The following AMACR variants were observed in gnomAD, a reference collection of about 807,000 sequenced individuals.
AMACR encodes the protein 2-methylacyl-CoA racemase.
Under a neutral mutation model 22.2 loss-of-function variants are expected in AMACR, and 18 were observed. The ratio of observed to expected loss-of-function variants is 0.81; its 90% CI spans 0.56 to 1.20. AMACR has a LOEUF of 1.20. AMACR is among the 50% of genes most tolerant of loss of function. The pLI is 0.00. For synonymous variants in AMACR, 213 were observed against 191.3 expected (o/e 1.11, Z -0.94); for missense variants, 499 against 490.6 (o/e 1.02, Z -0.16).
Position 34,008,046 on chromosome 5 carries a change from A to C in AMACR, c.-27T>G. On this transcript the variant is annotated 5_prime_UTR_variant, in exon 1 of 5. Coordinates refer to ENST00000335606, the MANE Select transcript of AMACR (RefSeq NM_014324.6). ...GCGCTTCCCAGTGCCCCGCTGAAGG[A>C]AACTGAGCAGCCCTTAGCCCCAGCC... is the stretch of plus-strand genomic sequence containing the variant. The C allele has an allele frequency of 6.2e-7, 1 of 1,607,270 alleles. No homozygotes were observed. The highest frequency in any genetic ancestry group is 8.5e-7 in the Non-Finnish European group (1 of 1,179,602).
At chr5:33,990,652 G>A (rs1220145948) in intron 4 of AMACR, among the ~76,000 whole-genome samples, 1 of 152,238 alleles carries the variant, frequency 6.6e-6, no homozygotes, top group African/African-American at 2.4e-5. Flanking sequence ...CACACTGTGT[G>A]TAAGTTTAGC....
Position 33,988,454 on chromosome 5 carries a change from T to C in AMACR, c.*639A>G. On this transcript the variant is annotated 3_prime_UTR_variant, in exon 5 of 5. Coordinates refer to ENST00000335606, the MANE Select transcript of AMACR (RefSeq NM_014324.6). ...CCGAGTTACTGGATACAGGCAACCC[T>C]AAAACTGACTGTCCCTCTGGACTCT... The C allele has an allele frequency of 1.3e-6, 2 of 1,528,094 alleles. No individual in the cohort carries two copies. Among genetic ancestry groups the C allele is most frequent in the Non-Finnish European group, 1.8e-6 (2 of 1,142,568 alleles). 94.7% of individuals were successfully genotyped at this position (1,528,094 alleles called of 1,614,324 possible).
chr5:33,996,637 T>TA (rs61126242), intron 4 of AMACR, among the ~76,000 whole-genome samples: 1 of 151,768 alleles, frequency 6.6e-6, no homozygotes, highest in African/African-American at 2.4e-5. Flanking sequence ...AATAAAAAAT[T>TA]TTGCCTATAG....
chr5:33,993,236 T>C (rs1201272258), intron 4 of AMACR, among the ~76,000 whole-genome samples: 1 of 152,216 alleles, frequency 6.6e-6, no homozygotes, highest in Non-Finnish European at 1.5e-5. Context: ...TTCATCTCTG[T>C]TGTAACGTGT....
At chr5:34,005,518 T>G (rs1380197788) in intron 2 of AMACR, among the ~76,000 whole-genome samples, 1 of 152,186 alleles carries the variant, frequency 6.6e-6, no homozygotes, top group Non-Finnish European at 1.5e-5. Flanking sequence ...ACAAATGTAG[T>G]AAATAAATGA....
chr5:33,992,503 T>C (rs1282491781), intron 4 of AMACR, among the ~76,000 whole-genome samples: 1 of 150,864 alleles, frequency 6.6e-6, no homozygotes, highest in Non-Finnish European at 1.5e-5. Context: ...AGCCCAGGAG[T>C]TCAAGACCAA....
Position 34,005,860 on chromosome 5 carries a change from T to C in AMACR, c.287A>G (p.Gln96Arg). The change falls in exon 2 of 5, where the codon CAG becomes CGG. Residue 96 changes from glutamine to arginine, a missense_variant. Transcript: ENST00000335606. ...ATAAATAAGCCTTGGATTTTCCCGC[T>C]GCAGAATCTCTGGGCCCAGCTGGAG... Reference protein sequence around the residue: ...EKLQLGPEILQRENPRLIYAR... With the variant: ...EKLQLGPEILRRENPRLIYAR... 6.2e-7 allele frequency: 1 copy of C among 1,614,206 alleles called. No individual in the cohort carries two copies. The highest frequency in any genetic ancestry group is 1.1e-5 in the South Asian group (1 of 91,086).
chr5:33,991,628 C>A (rs1287511333), intron 4 of AMACR, among the ~76,000 whole-genome samples: 1 of 151,960 alleles, frequency 6.6e-6, no homozygotes, highest in Non-Finnish European at 1.5e-5. Flanking sequence ...ATGCCATAAA[C>A]TTTACTGCTT....
intron 1 of AMACR, among the ~76,000 whole-genome samples, chr5:34,006,187 A>C (rs879464539): frequency 3.3e-5 from 5 of 152,028 alleles, no homozygotes; most frequent in Non-Finnish European, 7.4e-5. Context: ...CCCTTTAGTA[A>C]ATCCCTTTTC....
chr5:33,997,575 C>T, intron 4 of AMACR: 1 of 768,242 alleles, frequency 1.3e-6, no homozygotes, highest in South Asian at 1.4e-5. Flanking sequence ...CATCAGACTG[C>T]AGGTGGCAGT....
At position 34,002,674 on chromosome 5, in the gene AMACR, C is replaced by G. The variant is rs369363703; in HGVS notation, c.552+1900G>C. On this transcript the variant is annotated intron_variant, in intron 3 of 4. Coordinates refer to ENST00000335606, the MANE Select transcript of AMACR (RefSeq NM_014324.6). ...GCCAATGATAGTAGCACGTCTCCCT[C>G]AGGGAACTGTGTGGATCACAGAAGC... 5.4e-4 allele frequency among the ~76,000 whole-genome samples: 82 copies of G among 152,348 alleles called. 2 individuals carry two copies. In the South Asian group the frequency reaches 0.011, roughly 20 times the overall value.
At chr5:34,000,402 C>T (rs1377814627) in intron 3 of AMACR, among the ~76,000 whole-genome samples, 1 of 152,228 alleles carries the variant, frequency 6.6e-6, no homozygotes, top group Non-Finnish European at 1.5e-5. Flanking sequence ...GAAGTTTTTA[C>T]ACACTGTAGT....
intron 4 of AMACR, 144 bp downstream of exon 4, chr5:33,998,497 A>G: frequency 1.3e-6 from 1 of 768,976 alleles, no homozygotes; most frequent in Non-Finnish European, 2.0e-6. Flanking sequence ...AAAATGCCCC[A>G]CATTATATTG....
chr5:34,000,540 C>T (rs1260773910), intron 3 of AMACR, among the ~76,000 whole-genome samples: 4 of 151,856 alleles, frequency 2.6e-5, no homozygotes, highest in Non-Finnish European at 4.4e-5. Flanking sequence ...CTCTGTTGCC[C>T]AGGTTGGAGT....
chr5:33,992,290 T>C (rs10040206), intron 4 of AMACR, among the ~76,000 whole-genome samples: 8,425 of 152,058 alleles, frequency 0.055, 832 homozygotes, highest in African/African-American at 0.19. Context: ...ATGGCTGCTA[T>C]ATCAAATGGG....
At position 33,987,166 on chromosome 5, in the gene AMACR, C is replaced by T. The variant is rs1371620716; in HGVS notation, c.*1927G>A. On this transcript the variant is annotated 3_prime_UTR_variant, in exon 5 of 5. Coordinates refer to ENST00000335606, the MANE Select transcript of AMACR (RefSeq NM_014324.6). The stretch of plus-strand genomic sequence containing the variant: ...GAGTAGATAGGACTACAGGCACACA[C>T]CACCATACCTGGATAATTTTTTTAT... 6.6e-6 allele frequency: 1 copy of T among 152,134 alleles called. No homozygotes were observed. Among genetic ancestry groups the T allele is most frequent in the African/African-American group, 2.4e-5 (1 of 41,386 alleles). The allele number at this position is 152,134 out of a possible 1,614,324, so 9.4% of individuals were successfully genotyped here.
rs771232800 is a variant in AMACR, at chr5:33,989,229, G to C, written c.1013C>G (p.Pro338Arg). 6.2e-7 allele frequency: 1 copy of C among 1,614,018 alleles called. No homozygotes were observed. Among genetic ancestry groups the C allele is most frequent in the Non-Finnish European group, 8.5e-7 (1 of 1,180,024 alleles). Reference protein sequence around the residue: ...APLLLNTPAIPSFKRDPFIGE... With the variant: ...APLLLNTPAIRSFKRDPFIGE... ...TATGAAAGGATCCCTTTTGAAAGAA[G>C]GGATGGCTGGGGTGTTTAACAGCAG... Residue 338 changes from proline (P) to arginine (R), a missense_variant, in exon 5 of 5, where the codon CCT becomes CGT. Physicochemically the swap from Pro to Arg is moderately radical, Grantham distance 103. Transcript: ENST00000335606.
At chr5:33,997,849 TAAAA>T (rs1264141220) in intron 4 of AMACR, 2 of 335,526 alleles carry the variant, frequency 6.0e-6, no homozygotes, top group Non-Finnish European at 5.4e-6. Context: ...TTGGAAAATT[TAAAA>T]AAAGTCATTC....
At chr5:33,990,523 G>A (rs1434457528) in intron 4 of AMACR, among the ~76,000 whole-genome samples, 1 of 150,264 alleles carries the variant, frequency 6.7e-6, no homozygotes, top group Non-Finnish European at 1.5e-5. Flanking sequence ...TATACCCAAA[G>A]AGCAGGGCTG....
Sources: allele counts gnomAD v4.1 joint callset (sites outside exome capture counted in the v4.1 genomes callset), GRCh38; gene constraint gnomAD v4.1.1; transcripts MANE v1.5; gene names NCBI Gene and HGNC (gene_info 2026-07-23, HGNC 2026-07-21).